Variants in RETREG1 observed in about 807,000 individuals in gnomAD.
The protein encoded by RETREG1 is family with sequence similarity 134 member B.
Under a neutral mutation model 54.8 loss-of-function variants are expected in RETREG1, and 44 were observed. The ratio of observed to expected loss-of-function variants is 0.80; its 90% CI spans 0.63 to 1.03. RETREG1 has a LOEUF of 1.03. Ranked by LOEUF, RETREG1 falls within the 50% of genes least tolerant of loss-of-function variation. The pLI is 0.00. For missense variants in RETREG1, 554 were observed against 605.1 expected, an observed-to-expected ratio of 0.92 and a Z score of 0.89; for synonymous variants, 217 against 238.5, an observed-to-expected ratio of 0.91 and a Z score of 0.83.
chr5:16,514,762 T>C (rs916315639), intron 3 of RETREG1, among the ~76,000 whole-genome samples: 3 of 151,886 alleles, frequency 2.0e-5, no homozygotes, highest in Non-Finnish European at 4.4e-5. Context: ...AGCTCCCACT[T>C]ATAAGTGAGA....
At chr5:16,563,732 T>C (rs1741934134) in intron 3 of RETREG1, among the ~76,000 whole-genome samples, 1 of 152,172 alleles carries the variant, frequency 6.6e-6, no homozygotes, top group African/African-American at 2.4e-5. Context: ...TATTACTAGA[T>C]AGAAATTGTT....
chr5:16,493,988 A>T (rs1347673647), intron 3 of RETREG1, among the ~76,000 whole-genome samples: 1 of 152,224 alleles, frequency 6.6e-6, no homozygotes, highest in East Asian at 1.9e-4. Flanking sequence ...ACTATCGCAC[A>T]TTAAGATATT....
chr5:16,514,899 G>GTATA (rs1740295765), intron 3 of RETREG1, among the ~76,000 whole-genome samples: 1 of 60,964 alleles, frequency 1.6e-5, no homozygotes, highest in Admixed American at 1.6e-4. Context: ...TCCATGGCAT[G>GTATA]CATATATATA....
At chr5:16,480,556 T>C (rs544047752) in intron 5 of RETREG1, among the ~76,000 whole-genome samples, 2 of 152,250 alleles carry the variant, frequency 1.3e-5, no homozygotes, top group African/African-American at 4.8e-5. Context: ...ACATTCTACC[T>C]ACCCCGCAAC....
chr5:16,576,294 C>CTTTT lies in RETREG1; in HGVS notation c.321-4196_321-4193dup, dbSNP rs70940380. On this transcript the variant is annotated intron_variant, in intron 1 of 8. Coordinates refer to ENST00000306320, the MANE Select transcript of RETREG1 (RefSeq NM_001034850.3). ...TTCAAAAACAAGATTTTTTCTTTTT[C>CTTTT]TTTTTTTTTTTTTTTTTGAGATGGA... Among the ~76,000 whole-genome samples, 858 of 125,814 alleles carry CTTTT rather than the reference C, an allele frequency of 6.8e-3. 13 individuals carry two copies. Among genetic ancestry groups the CTTTT allele is most frequent in the African/African-American group, 0.024 (829 of 34,408 alleles). The allele number at this position is 125,814 out of a possible 152,430, so 82.5% of individuals were successfully genotyped here. A position where few individuals can be genotyped will look rare whatever the true frequency, so the allele number is the denominator to read the frequency against.
At chr5:16,589,384 T>C (rs1742699640) in intron 1 of RETREG1, among the ~76,000 whole-genome samples, 1 of 152,104 alleles carries the variant, frequency 6.6e-6, no homozygotes, top group Non-Finnish European at 1.5e-5. Context: ...GTTTGTTTAT[T>C]TGTTTGTCTG....
chr5:16,524,571 G>T (rs188155693), intron 3 of RETREG1, among the ~76,000 whole-genome samples: 1 of 152,140 alleles, frequency 6.6e-6, no homozygotes, highest in African/African-American at 2.4e-5. Context: ...GCTGCCAGAC[G>T]CTGCTTTCGG....
At chr5:16,582,754 A>G (rs2592038) in intron 1 of RETREG1, among the ~76,000 whole-genome samples, 10,498 of 152,252 alleles carry the variant, frequency 0.069, 473 homozygotes, top group Non-Finnish European at 0.11. Flanking sequence ...ATCAAATTCC[A>G]GGCTTTGACG....
intron 3 of RETREG1, among the ~76,000 whole-genome samples, chr5:16,535,156 C>T (rs1322435250): frequency 6.6e-6 from 1 of 152,178 alleles, no homozygotes; most frequent in African/African-American, 2.4e-5. Context: ...TTCTCTCTCT[C>T]AAAGATATTT....
intron 1 of RETREG1, among the ~76,000 whole-genome samples, chr5:16,584,214 A>G (rs1295071500): frequency 6.6e-6 from 1 of 152,168 alleles, no homozygotes; most frequent in Admixed American, 6.5e-5. Flanking sequence ...GGGTGCACCA[A>G]AATCTCAGAA....
At chr5:16,575,224 T>C (rs948306593) in intron 1 of RETREG1, among the ~76,000 whole-genome samples, 1 of 152,200 alleles carries the variant, frequency 6.6e-6, no homozygotes, top group African/African-American at 2.4e-5. Context: ...TCAATTCTAT[T>C]ACGCGTTTAA....
At chr5:16,590,923 ATG>A (rs1742754871) in intron 1 of RETREG1, among the ~76,000 whole-genome samples, 1 of 151,628 alleles carries the variant, frequency 6.6e-6, no homozygotes, top group African/African-American at 2.4e-5. Context: ...AAACACACAC[ATG>A]CAAATATACC....
chr5:16,523,472 G>T lies in RETREG1; in HGVS notation c.459-40000C>A, dbSNP rs139583063. On this transcript the variant is annotated intron_variant, in intron 3 of 8. Transcript: ENST00000306320. ...GTCATTAGGCTGAGATTTTGGGTTG[G>T]GGGGAGAGTCCATGAGGTGAAGCGC... is the stretch of plus-strand genomic sequence containing the variant. Among the ~76,000 whole-genome samples, 285 of 152,192 alleles carry T rather than the reference G, an allele frequency of 1.9e-3. 1 individual carries two copies. Among genetic ancestry groups the T allele is most frequent in the Middle Eastern group, 6.8e-3 (2 of 294 alleles).
At chr5:16,483,066 G>T in intron 4 of RETREG1, 1 of 385,338 alleles carries the variant, frequency 2.6e-6, no homozygotes, top group Non-Finnish European at 4.7e-6. Flanking sequence ...TTTCTCCCTA[G>T]TCTTGCTGAT....
At chr5:16,490,311 G>A (rs965637654) in intron 3 of RETREG1, among the ~76,000 whole-genome samples, 1 of 152,154 alleles carries the variant, frequency 6.6e-6, no homozygotes, top group African/African-American at 2.4e-5. Flanking sequence ...GGGAGCAATG[G>A]AAAATTGTTT....
chr5:16,590,399 C>G (rs957428885), intron 1 of RETREG1, among the ~76,000 whole-genome samples: 1 of 152,240 alleles, frequency 6.6e-6, no homozygotes, highest in Non-Finnish European at 1.5e-5. Context: ...AGCTGCAGGT[C>G]AGGCTTCCTT....
chr5:16,563,124 A>T (rs997651633), intron 3 of RETREG1, among the ~76,000 whole-genome samples: 1 of 152,228 alleles, frequency 6.6e-6, no homozygotes, highest in Non-Finnish European at 1.5e-5. Context: ...AAACCCACTG[A>T]ACAGTTTAAT....
At chr5:16,498,986 ACCC>A (rs1293516711) in intron 3 of RETREG1, among the ~76,000 whole-genome samples, 8 of 151,646 alleles carry the variant, frequency 5.3e-5, no homozygotes, top group Non-Finnish European at 8.8e-5. Flanking sequence ...AATAACGCTT[ACCC>A]TAAAACACAC....
At chr5:16,541,578 T>C (rs1449733219) in intron 3 of RETREG1, among the ~76,000 whole-genome samples, 1 of 151,958 alleles carries the variant, frequency 6.6e-6, no homozygotes, top group Non-Finnish European at 1.5e-5. Flanking sequence ...CCCCAGCTAC[T>C]CAGGAGGCTG....
Sources: allele counts gnomAD v4.1 joint callset (sites outside exome capture counted in the v4.1 genomes callset), GRCh38; gene constraint gnomAD v4.1.1; transcripts MANE v1.5; gene names NCBI Gene and HGNC (gene_info 2026-07-23, HGNC 2026-07-21).